CSMD1: variants seen among roughly 807,000 people sequenced by gnomAD.
The protein encoded by CSMD1 is CUB and sushi domain-containing protein 1.
CSMD1 carries 213 observed loss-of-function variants against 417.5 expected under a neutral mutation model. The observed-to-expected ratio is 0.51, with a 90% confidence interval of 0.46 to 0.57. The LOEUF is 0.57. Ranked by LOEUF, CSMD1 falls within the 20% of genes least tolerant of loss-of-function variation. The pLI, the probability that CSMD1 is intolerant of heterozygous loss-of-function variation, is 0.00. For missense variants in CSMD1, 6,923 were observed against 4,529.7 expected (o/e 1.53, Z -15.17); for synonymous variants, 2,862 against 1,736.8 (o/e 1.65, Z -16.11).
intron 10 of CSMD1, among the ~76,000 whole-genome samples, chr8:3,548,511 A>G (rs1798771220): frequency 6.6e-6 from 1 of 151,650 alleles, no homozygotes; most frequent in South Asian, 2.1e-4. Flanking sequence ...CCATCCTCAT[A>G]GCTTAGCTCC....
chr8:4,403,674 C>G (rs77955421), intron 3 of CSMD1, among the ~76,000 whole-genome samples: 35,446 of 151,996 alleles, frequency 0.23, 4,485 homozygotes, highest in African/African-American at 0.31. Context: ...GAGTCTAACC[C>G]CTAGAGTAAC....
At chr8:4,351,408 G>A (rs7813362) in intron 3 of CSMD1, among the ~76,000 whole-genome samples, 125,179 of 152,184 alleles carry the variant, frequency 0.82, 51,638 homozygotes, top group Admixed American at 0.87. Context: ...CATGCTGGCT[G>A]TTATACCAAG....
At chr8:3,703,041 G>C (rs1020012466) in intron 7 of CSMD1, among the ~76,000 whole-genome samples, 2 of 152,020 alleles carry the variant, frequency 1.3e-5, no homozygotes, top group Non-Finnish European at 2.9e-5. Context: ...AAAATTTAGA[G>C]CATATAAACC....
intron 2 of CSMD1, among the ~76,000 whole-genome samples, chr8:4,598,869 G>C (rs1313852037): frequency 6.6e-6 from 1 of 151,988 alleles, no homozygotes; most frequent in Non-Finnish European, 1.5e-5. Context: ...TTTTACTTTT[G>C]TAGAAGAAAA....
chr8:3,799,879 G>A (rs966080886), intron 5 of CSMD1, among the ~76,000 whole-genome samples: 4 of 152,078 alleles, frequency 2.6e-5, no homozygotes, highest in South Asian at 4.1e-4. Flanking sequence ...AAGCTACATT[G>A]CTGACTTGCT....
rs530285800 is a variant in CSMD1, at chr8:4,673,577, G to T, written c.86-36019C>A. On this transcript the variant is annotated intron_variant, in intron 1 of 69. Coordinates refer to ENST00000635120, the MANE Select transcript of CSMD1 (RefSeq NM_033225.6). ...ATCTAGCACCTACTTTCTACCTTGTGCTTGGGGGAAACTCTGGGGGCAATT... is the reference window on the plus strand; with the variant it reads ...ATCTAGCACCTACTTTCTACCTTGTTCTTGGGGGAAACTCTGGGGGCAATT... Among the ~76,000 whole-genome samples the T allele has an allele frequency of 9.2e-4, 140 of 152,274 alleles. 6 individuals are homozygous for T. The South Asian group carries it at 0.029, about 31-fold the overall frequency.
chr8:3,358,489 G>C (rs1284278811), intron 21 of CSMD1, among the ~76,000 whole-genome samples: 1 of 152,168 alleles, frequency 6.6e-6, no homozygotes, highest in East Asian at 1.9e-4. Context: ...TCTTAGAGTG[G>C]CACAGTTCCC....
intron 50 of CSMD1, among the ~76,000 whole-genome samples, chr8:3,034,365 C>T (rs1810531539): frequency 6.6e-6 from 1 of 152,016 alleles, no homozygotes; most frequent in Admixed American, 6.6e-5. Flanking sequence ...GAGTAGTGGC[C>T]TGATAGGCAC....
intron 1 of CSMD1, among the ~76,000 whole-genome samples, chr8:4,868,034 A>G (rs557523007): frequency 6.6e-6 from 1 of 152,164 alleles, no homozygotes; most frequent in East Asian, 1.9e-4. Flanking sequence ...CTCTTGAAAA[A>G]TCACTGCTTT....
chr8:4,814,229 T>A (rs189319314), intron 1 of CSMD1, among the ~76,000 whole-genome samples: 1 of 152,302 alleles, frequency 6.6e-6, no homozygotes, highest in East Asian at 1.9e-4. Flanking sequence ...CGTGTGCGTG[T>A]GCGCATGTGC....
intron 5 of CSMD1, among the ~76,000 whole-genome samples, chr8:3,775,837 C>T (rs1466049157): frequency 6.6e-6 from 1 of 152,222 alleles, no homozygotes; most frequent in Non-Finnish European, 1.5e-5. Flanking sequence ...CGCCAACGCG[C>T]AGGGTTGTTA....
chr8:3,305,024 G>C (rs1231499859), intron 25 of CSMD1, among the ~76,000 whole-genome samples: 1 of 152,128 alleles, frequency 6.6e-6, no homozygotes, highest in Admixed American at 6.5e-5. Flanking sequence ...TGAATTCAAA[G>C]TTAAGGACTA....
At chr8:4,865,935 A>G (rs189651587) in intron 1 of CSMD1, among the ~76,000 whole-genome samples, 2 of 152,052 alleles carry the variant, frequency 1.3e-5, no homozygotes, top group African/African-American at 4.8e-5. Context: ...TCCTGTGTAG[A>G]TAACTTGAAA....
intron 6 of CSMD1, among the ~76,000 whole-genome samples, chr8:3,709,094 G>C (rs1293480991): frequency 9.2e-5 from 14 of 151,630 alleles, no homozygotes; most frequent in Non-Finnish European, 1.9e-4. Context: ...TCATCATTCT[G>C]AGAGTTAAAT....
chr8:4,513,863 C>A (rs1405244), intron 2 of CSMD1, among the ~76,000 whole-genome samples: 2 of 152,056 alleles, frequency 1.3e-5, no homozygotes, highest in African/African-American at 4.8e-5. Flanking sequence ...ATTTTCCTCT[C>A]TAGGTCTGAT....
At chr8:3,691,710 A>G (rs914340689) in intron 7 of CSMD1, among the ~76,000 whole-genome samples, 1 of 152,180 alleles carries the variant, frequency 6.6e-6, no homozygotes, top group Non-Finnish European at 1.5e-5. Flanking sequence ...ATAAAACCCT[A>G]TAAGGTAAAT....
intron 3 of CSMD1, among the ~76,000 whole-genome samples, chr8:4,191,802 T>C (rs1799048525): frequency 6.6e-6 from 1 of 150,606 alleles, no homozygotes; most frequent in African/African-American, 2.4e-5. Context: ...TTGAATTGAC[T>C]TCATCTCCTA....
intron 25 of CSMD1, among the ~76,000 whole-genome samples, chr8:3,306,894 T>G (rs530332022): frequency 6.6e-6 from 1 of 152,098 alleles, no homozygotes; most frequent in East Asian, 1.9e-4. Context: ...TAACTCATCA[T>G]CATAACTCAG....
chr8:4,635,646 T>G (rs1472656777), intron 2 of CSMD1, among the ~76,000 whole-genome samples: 2 of 152,148 alleles, frequency 1.3e-5, no homozygotes, highest in Non-Finnish European at 2.9e-5. Context: ...CTAATTCTTT[T>G]TTCTGTAACT....
Sources: allele counts gnomAD v4.1 joint callset (sites outside exome capture counted in the v4.1 genomes callset), GRCh38; gene constraint gnomAD v4.1.1; transcripts MANE v1.5; gene names NCBI Gene and HGNC (gene_info 2026-07-23, HGNC 2026-07-21).